The following DMTF1 variants were observed in gnomAD, a reference collection of about 807,000 sequenced individuals.
The protein encoded by DMTF1 is cyclin-D-binding Myb-like transcription factor 1.
Under a neutral mutation model 91.1 loss-of-function variants are expected in DMTF1, and 39 were observed. The ratio of observed to expected loss-of-function variants is 0.43; its 90% confidence interval spans 0.33 to 0.56. The LOEUF (loss-of-function observed/expected upper bound fraction) is 0.56. Among genes scored for constraint, DMTF1 ranks in the 20% least tolerant of loss-of-function variants. The pLI, the probability that DMTF1 is intolerant of heterozygous loss-of-function variation, is 0.05. For missense variants in DMTF1, 750 were observed against 914.5 expected (o/e 0.82, Z 2.32); for synonymous variants, 338 against 309.5 (o/e 1.09, Z -0.97).
Position 87,188,311 on chromosome 7 carries a change from T to C in DMTF1, c.1411+10T>C. On this transcript the variant is annotated intron_variant, in intron 13 of 17. Transcript: ENST00000331242. Reference sequence around the variant, plus strand: ...CAGATCACCCATGTTTGTAAGTGTTTGATCTTCAAGATTCCTTGCTGTTTG... The same window carrying C: ...CAGATCACCCATGTTTGTAAGTGTTCGATCTTCAAGATTCCTTGCTGTTTG... 1 of 1,613,584 alleles carries C rather than the reference T, an allele frequency of 6.2e-7. No individual in the cohort carries two copies. The highest frequency in any genetic ancestry group is 8.5e-7 in the Non-Finnish European group (1 of 1,179,618).
chr7:87,183,194 GC>G (rs1797729248), intron 10 of DMTF1, among the ~76,000 whole-genome samples: 1 of 152,190 alleles, frequency 6.6e-6, no homozygotes, highest in African/African-American at 2.4e-5. Flanking sequence ...CTTAACTACT[GC>G]ACTATCACTG....
intron 1 of DMTF1, among the ~76,000 whole-genome samples, chr7:87,158,976 TAAAC>T (rs1289213421): frequency 6.6e-6 from 1 of 152,122 alleles, no homozygotes; most frequent in Non-Finnish European, 1.5e-5. Flanking sequence ...TATTATTTGT[TAAAC>T]AGCAGATTAC....
chr7:87,194,361 GT>G, intron 16 of DMTF1: 1 of 460,928 alleles, frequency 2.2e-6, no homozygotes, highest in East Asian at 3.3e-5. Context: ...AGAAATGTTT[GT>G]TAGAACCCAT....
rs1273512035 is a variant in DMTF1 at position 87,195,187 on chromosome 7, A to G, written c.*47A>G. On this transcript the variant is annotated 3_prime_UTR_variant, in exon 18 of 18. Transcript: ENST00000331242. Reference sequence around the variant, plus strand: ...GTTCAAGCAAAGAAGGCACACTGTTAATTACAACCTCTTCAAAGAAATAGG... The same window carrying G: ...GTTCAAGCAAAGAAGGCACACTGTTGATTACAACCTCTTCAAAGAAATAGG... 6.0e-6 allele frequency: 8 copies of G among 1,328,146 alleles called. No individual in the cohort carries two copies. In the Admixed American group the frequency reaches 1.4e-4, roughly 24 times the overall value. 82.3% of individuals were successfully genotyped at this position (1,328,146 alleles called of 1,614,324 possible).
chr7:87,175,663 A>G (rs1233766590), intron 7 of DMTF1, among the ~76,000 whole-genome samples: 2 of 152,226 alleles, frequency 1.3e-5, no homozygotes, highest in East Asian at 3.8e-4. Context: ...TGGTAGAGAA[A>G]GGATTTGAGC....
intron 3 of DMTF1, 95 bp from the exon 4 acceptor site, chr7:87,166,388 T>C: frequency 7.5e-7 from 1 of 1,330,902 alleles, no homozygotes; most frequent in Non-Finnish European, 1.0e-6. Flanking sequence ...GTAAGAAAAT[T>C]TTTTTAATAG....
intron 12 of DMTF1, 147 bp from the exon 13 acceptor site, chr7:87,187,945 A>AT: frequency 1.6e-6 from 1 of 607,266 alleles, no homozygotes; most frequent in Admixed American, 3.0e-5. Flanking sequence ...GTTTTTTAAA[A>AT]TATCTTATTT....
chr7:87,157,899 A>G (rs1295842016), intron 1 of DMTF1, among the ~76,000 whole-genome samples: 2 of 151,890 alleles, frequency 1.3e-5, no homozygotes, highest in African/African-American at 2.4e-5. Flanking sequence ...GACAACATGT[A>G]CAAACCTGCA....
rs1373017580 is a variant in DMTF1 at position 87,193,263 on chromosome 7, C to T, written c.1560C>T (p.Gly520=). 5 of 1,613,516 alleles carry T rather than the reference C, an allele frequency of 3.1e-6. No homozygotes were observed. In the Admixed American group the frequency reaches 5.0e-5, roughly 16 times the overall value. Reference sequence around the variant, plus strand: ...TACTTCAAACAAGCTCAAGCCAAGGCCTTCCCCTAACTCTGACTGCTAGTC... The same window carrying T: ...TACTTCAAACAAGCTCAAGCCAAGGTCTTCCCCTAACTCTGACTGCTAGTC... ...TYLLQTSSSQ[G]LPLTLTASPT... The change falls in exon 15 of 18, where the codon GGC becomes GGT. Residue 520 remains glycine, a synonymous_variant. Transcript: ENST00000331242.
In DMTF1 at chr7:87,166,535, T is replaced by C. The variant is rs1359736850; in HGVS notation, c.162T>C (p.Leu54=). 6.2e-7 allele frequency: 1 copy of C among 1,613,172 alleles called. No individual in the cohort carries two copies. ...GTATTGAACCTCCACATAAAAGGCT[T>C]TGTTTGTCCTCTGAGGATGATCAGA... The part of the protein sequence containing the change: ...EDSIEPPHKR[L]CLSSEDDQSI... The change falls in exon 4 of 18, where the codon CTT becomes CTC. Residue 54 remains leucine (L), a synonymous_variant. Transcript: ENST00000331242.
intron 10 of DMTF1, 45 bp downstream of exon 10, chr7:87,182,382 C>T (rs548797479): frequency 1.3e-6 from 2 of 1,585,422 alleles, no homozygotes; most frequent in African/African-American, 2.7e-5. Flanking sequence ...ACCACTTAAG[C>T]CTCCTGCCCC....
At chr7:87,157,030 A>G (rs1704712267) in intron 1 of DMTF1, among the ~76,000 whole-genome samples, 1 of 152,158 alleles carries the variant, frequency 6.6e-6, no homozygotes, top group African/African-American at 2.4e-5. Flanking sequence ...GAAAACAGTA[A>G]AAGATAGGCA....
intron 13 of DMTF1, among the ~76,000 whole-genome samples, chr7:87,190,316 T>A (rs980620807): frequency 4.0e-5 from 6 of 151,884 alleles, no homozygotes; most frequent in East Asian, 3.9e-4. Context: ...AAAAAAAAAA[T>A]ACCTGAACAT....
chr7:87,174,407 T>G (rs1334849512), intron 6 of DMTF1, among the ~76,000 whole-genome samples, 186 bp from the exon 7 acceptor site: 1 of 152,208 alleles, frequency 6.6e-6, no homozygotes, highest in Admixed American at 6.5e-5. Flanking sequence ...ATAAATGTAT[T>G]CTAGCGTAAA....
At chr7:87,194,644 T>G in intron 16 of DMTF1, 40 bp from the exon 17 acceptor site, 1 of 1,481,616 alleles carries the variant, frequency 6.7e-7, no homozygotes, top group Non-Finnish European at 9.3e-7. Context: ...GGAAGACTAG[T>G]AAGAATATGA....
intron 10 of DMTF1, 51 bp from the exon 11 acceptor site, chr7:87,184,346 G>A: frequency 6.5e-7 from 1 of 1,542,388 alleles, no homozygotes; most frequent in Admixed American, 1.7e-5. Flanking sequence ...GGCTGAATCA[G>A]ATTTGTAAAA....
chr7:87,182,468 C>A, intron 10 of DMTF1, 131 bp downstream of exon 10: 1 of 769,724 alleles, frequency 1.3e-6, no homozygotes, highest in East Asian at 2.7e-5. Context: ...ATTTTCTAGT[C>A]TTCCTTTTCC....
intron 5 of DMTF1, among the ~76,000 whole-genome samples, chr7:87,173,141 A>C (rs1473036852): frequency 6.6e-6 from 1 of 152,202 alleles, no homozygotes; most frequent in Non-Finnish European, 1.5e-5. Context: ...CCTATCTAGA[A>C]CAGATAATAA....
chr7:87,163,101 T>C (rs1792903722), intron 1 of DMTF1: 1 of 151,696 alleles, frequency 6.6e-6, no homozygotes. Flanking sequence ...TTAATAATTA[T>C]AAAGGAAAAC....
Sources: gnomAD v4.1 joint callset for allele counts (sites outside exome capture counted in the v4.1 genomes callset) on GRCh38, gnomAD v4.1.1 for gene constraint, MANE v1.5 for transcripts, NCBI Gene and HGNC (gene_info 2026-07-23, HGNC 2026-07-21) for gene names.